TXNDC5: variants seen among roughly 807,000 people sequenced by gnomAD.
The protein encoded by TXNDC5 is thioredoxin domain-containing protein 5.
TXNDC5 carries 44 observed loss-of-function variants against 52.6 expected under a neutral mutation model. The ratio of observed to expected loss-of-function variants is 0.84; its 90% confidence interval spans 0.66 to 1.08. TXNDC5 has a LOEUF of 1.08. Ranked by LOEUF, TXNDC5 falls within the 50% of genes least tolerant of loss-of-function variation. The probability of loss-of-function intolerance (pLI) is 0.00; values close to 1 mark genes in which losing one functional copy is unlikely to be tolerated. For synonymous variants in TXNDC5, 241 were observed against 234.4 expected, an observed-to-expected ratio of 1.03 and a Z score of -0.26; for missense variants, 600 against 565.5, an observed-to-expected ratio of 1.06 and a Z score of -0.62.
intron 7 of TXNDC5, among the ~76,000 whole-genome samples, 183 bp downstream of exon 7, chr6:7,888,522 G>A (rs936185713): frequency 1.3e-5 from 2 of 152,054 alleles, no homozygotes; most frequent in African/African-American, 4.8e-5. Flanking sequence ...ATTCGCCCCT[G>A]AAAGCATGTG....
At chr6:7,908,737 T>TGAG (rs1174391624) in intron 1 of TXNDC5, among the ~76,000 whole-genome samples, 2 of 152,134 alleles carry the variant, frequency 1.3e-5, no homozygotes, top group African/African-American at 4.8e-5. Context: ...CTTCAGAGGC[T>TGAG]GAGGCAGGAG....
intron 2 of TXNDC5, among the ~76,000 whole-genome samples, chr6:7,903,483 A>T (rs1014185667): frequency 6.6e-6 from 1 of 152,172 alleles, no homozygotes; most frequent in Admixed American, 6.5e-5. Flanking sequence ...TAAGTCCTGT[A>T]ACAATGTTTG....
intron 1 of TXNDC5, 122 bp downstream of exon 1, chr6:7,910,392 C>A (rs1333279631): frequency 1.3e-5 from 14 of 1,112,226 alleles, no homozygotes; most frequent in African/African-American, 1.7e-5. Context: ...GTAGCACGCA[C>A]GCCGCAGACC....
At chr6:7,889,077 C>G in intron 6 of TXNDC5, 1 of 535,072 alleles carries the variant, frequency 1.9e-6, no homozygotes. Flanking sequence ...TTACACATCA[C>G]AGAAGTCTGG....
rs1554127534 is a variant in TXNDC5 at position 7,883,270 on chromosome 6, A to AAAACAAAAAAGAAAAAAGTTTGCAAAC, written c.1177-31_1177-5dup. On this transcript the variant is annotated splice_polypyrimidine_tract_variant and splice_region_variant and intron_variant, in intron 9 of 9. Coordinates refer to ENST00000379757, the MANE Select transcript of TXNDC5 (RefSeq NM_030810.5). ...ATAACGTGGGGTAGCCTCGTACCTTAAAACAAAAAAGAAAAAAGTTTGCAA... is the reference window on the plus strand; with the variant it reads ...ATAACGTGGGGTAGCCTCGTACCTTAAAACAAAAAAGAAAAAAGTTTGCAAACAAACAAAAAAGAAAAAAGTTTGCAA... The AAAACAAAAAAGAAAAAAGTTTGCAAAC allele has an allele frequency of 2.2e-5, 36 of 1,613,954 alleles. 1 individual carries two copies. The highest frequency in any genetic ancestry group is 3.0e-5 in the Non-Finnish European group (35 of 1,179,902).
chr6:7,885,915 C>T, intron 8 of TXNDC5, 46 bp downstream of exon 8: 16 of 1,583,576 alleles, frequency 1.0e-5, no homozygotes, highest in Non-Finnish European at 1.4e-5. Context: ...CATGATGTGA[C>T]TTAGTACACA....
intron 9 of TXNDC5, 54 bp downstream of exon 9, chr6:7,884,305 T>C: frequency 6.2e-7 from 1 of 1,606,648 alleles, no homozygotes; most frequent in Non-Finnish European, 8.5e-7. Flanking sequence ...CACAGTTCCC[T>C]TGGGATCTGC....
chr6:7,897,219 A>G (rs1043444359), intron 3 of TXNDC5, among the ~76,000 whole-genome samples: 8 of 152,252 alleles, frequency 5.3e-5, no homozygotes, highest in African/African-American at 1.9e-4. Flanking sequence ...ACATGTTTGT[A>G]TAACTGTTCA....
At chr6:7,907,165 C>CTTTTTTTTT (rs55914910) in intron 1 of TXNDC5, among the ~76,000 whole-genome samples, 1,808 of 143,778 alleles carry the variant, frequency 0.013, 39 homozygotes, top group African/African-American at 0.042. Context: ...TTTTTTTTCC[C>CTTTTTTTTT]TTTTTTTTTT....
At chr6:7,895,980 G>A (rs1254248743) in intron 3 of TXNDC5, among the ~76,000 whole-genome samples, 1 of 152,174 alleles carries the variant, frequency 6.6e-6, no homozygotes, top group Non-Finnish European at 1.5e-5. Flanking sequence ...GCAACAGAGT[G>A]AGACTCTTCC....
chr6:7,905,296 C>A (rs371508996), intron 1 of TXNDC5, among the ~76,000 whole-genome samples: 4 of 152,202 alleles, frequency 2.6e-5, no homozygotes, highest in African/African-American at 9.7e-5. Flanking sequence ...TAGCTTAGCA[C>A]TTCCTGCTGT....
At chr6:7,886,789 C>T (rs1234105418) in intron 7 of TXNDC5, among the ~76,000 whole-genome samples, 1 of 152,122 alleles carries the variant, frequency 6.6e-6, no homozygotes, top group African/African-American at 2.4e-5. Flanking sequence ...GATGATTTAT[C>T]ACGTGGCTAA....
intron 7 of TXNDC5, 66 bp from the exon 8 acceptor site, chr6:7,886,109 G>C: frequency 1.4e-6 from 2 of 1,401,396 alleles, no homozygotes; most frequent in African/African-American, 1.4e-5. Flanking sequence ...CATGCTTTGG[G>C]ATTGCAGATA....
At chr6:7,902,602 T>G (rs1193552865) in intron 2 of TXNDC5, among the ~76,000 whole-genome samples, 1 of 151,298 alleles carries the variant, frequency 6.6e-6, no homozygotes, top group Non-Finnish European at 1.5e-5. Context: ...AATCTACAGA[T>G]GCCCCAGTGC....
At chr6:7,906,628 T>C (rs1476468342) in intron 1 of TXNDC5, among the ~76,000 whole-genome samples, 1 of 151,650 alleles carries the variant, frequency 6.6e-6, no homozygotes, top group Non-Finnish European at 1.5e-5. Flanking sequence ...AACAGCACTT[T>C]CTTGGCCAGC....
chr6:7,898,572 T>C (rs1410005879), intron 3 of TXNDC5, among the ~76,000 whole-genome samples: 2 of 152,184 alleles, frequency 1.3e-5, no homozygotes. Flanking sequence ...TAGGTATTTG[T>C]TGAAATTGAA....
chr6:7,906,096 C>T (rs575478612), intron 1 of TXNDC5, among the ~76,000 whole-genome samples: 44 of 148,156 alleles, frequency 3.0e-4, no homozygotes, highest in African/African-American at 1.1e-3. Flanking sequence ...AAAAAATTAG[C>T]CTGGTGTGGT....
At chr6:7,909,570 T>G (rs1760843527) in intron 1 of TXNDC5, among the ~76,000 whole-genome samples, 1 of 152,064 alleles carries the variant, frequency 6.6e-6, no homozygotes, top group Non-Finnish European at 1.5e-5. Context: ...ACGGAGGGGC[T>G]TTTCCGATCT....
intron 9 of TXNDC5, 151 bp from the exon 10 acceptor site, chr6:7,883,417 A>T: frequency 3.6e-6 from 4 of 1,119,608 alleles, no homozygotes; most frequent in Non-Finnish European, 5.0e-6. Context: ...AAACAGGAGC[A>T]GACTACTGTT....
Sources: gnomAD v4.1 joint callset for allele counts (sites outside exome capture counted in the v4.1 genomes callset) on GRCh38, gnomAD v4.1.1 for gene constraint, MANE v1.5 for transcripts, NCBI Gene and HGNC (gene_info 2026-07-23, HGNC 2026-07-21) for gene names.